Variants in PDE3A observed in about 807,000 individuals in gnomAD.
PDE3A encodes cGMP-inhibited 3',5'-cyclic phosphodiesterase 3A.
A neutral mutation model predicts 98.3 loss-of-function variants in PDE3A; 43 were observed. The observed-to-expected ratio is 0.44, with a 90% confidence interval of 0.34 to 0.56. The LOEUF is 0.56. Ranked by LOEUF, PDE3A falls within the 20% of genes least tolerant of loss-of-function variation. The pLI is 0.01. For missense variants in PDE3A, 1,427 were observed against 1,440.7 expected, an observed-to-expected ratio of 0.99 and a Z score of 0.15; for synonymous variants, 663 against 567.9, an observed-to-expected ratio of 1.17 and a Z score of -2.38.
intron 1 of PDE3A, among the ~76,000 whole-genome samples, chr12:20,490,066 G>A (rs1156808493): frequency 1.3e-5 from 2 of 152,068 alleles, no homozygotes; most frequent in Non-Finnish European, 2.9e-5. Flanking sequence ...CATCTTTTAG[G>A]AAATACCATA....
intron 2 of PDE3A, among the ~76,000 whole-genome samples, chr12:20,576,693 G>A (rs1307498269): frequency 6.6e-6 from 1 of 151,942 alleles, no homozygotes; most frequent in East Asian, 1.9e-4. Context: ...CTCAATTTAC[G>A]GATATTCACG....
At chr12:20,446,160 T>A (rs1944950252) in intron 1 of PDE3A, among the ~76,000 whole-genome samples, 1 of 152,152 alleles carries the variant, frequency 6.6e-6, no homozygotes, top group East Asian at 1.9e-4. Flanking sequence ...TAGGAATTTG[T>A]GTTTTGTGAG....
At chr12:20,534,699 T>A (rs1393704484) in intron 1 of PDE3A, among the ~76,000 whole-genome samples, 1 of 152,214 alleles carries the variant, frequency 6.6e-6, no homozygotes, top group Admixed American at 6.5e-5. Context: ...GATTACCTAT[T>A]TAAAGGAATC....
chr12:20,486,743 C>T (rs2121027810), intron 1 of PDE3A, among the ~76,000 whole-genome samples: 1 of 152,320 alleles, frequency 6.6e-6, no homozygotes, highest in South Asian at 2.1e-4. Context: ...AAGCAATTCT[C>T]ATGCGTCAGC....
intron 1 of PDE3A, among the ~76,000 whole-genome samples, chr12:20,547,203 C>G (rs1278530964): frequency 1.4e-5 from 2 of 142,976 alleles, no homozygotes; most frequent in Non-Finnish European, 2.9e-5. Flanking sequence ...CTTATATAAA[C>G]TTACCTCTGC....
chr12:20,659,274 C>T (rs899285942), intron 15 of PDE3A, among the ~76,000 whole-genome samples: 5 of 151,984 alleles, frequency 3.3e-5, no homozygotes, highest in African/African-American at 1.2e-4. Context: ...AATTTAATGT[C>T]CTTTTTATTC....
At chr12:20,370,284 GA>G (rs1195629764) in intron 1 of PDE3A, 40 bp downstream of exon 1, 9 of 1,481,428 alleles carry the variant, frequency 6.1e-6, no homozygotes, top group Non-Finnish European at 8.0e-6. Context: ...TTGGAAACTT[GA>G]AACACTTGGC....
At chr12:20,609,962 G>A (rs2121439959) in intron 2 of PDE3A, among the ~76,000 whole-genome samples, 1 of 151,948 alleles carries the variant, frequency 6.6e-6, no homozygotes, top group East Asian at 1.9e-4. Flanking sequence ...GAACATGGGG[G>A]AAAGCTCTCG....
intron 15 of PDE3A, among the ~76,000 whole-genome samples, chr12:20,674,188 A>G (rs767534218): frequency 2.0e-5 from 3 of 152,078 alleles, no homozygotes; most frequent in Non-Finnish European, 4.4e-5. Flanking sequence ...ACTTTACTCA[A>G]TTTATTTATC....
intron 3 of PDE3A, 49 bp from the exon 4 acceptor site, chr12:20,616,181 T>G (rs751793549): frequency 1.0e-5 from 16 of 1,537,628 alleles, no homozygotes; most frequent in Admixed American, 3.5e-5. Context: ...TACATAAAAT[T>G]TAAGAGATAT....
chr12:20,452,365 G>A (rs1945080363), intron 1 of PDE3A, among the ~76,000 whole-genome samples: 1 of 151,994 alleles, frequency 6.6e-6, no homozygotes, highest in Non-Finnish European at 1.5e-5. Flanking sequence ...CCCTTTTCTG[G>A]TCATCAGCAT....
chr12:20,369,930 G>C lies in PDE3A; in HGVS notation c.646G>C (p.Ala216Pro). The C allele has an allele frequency of 6.2e-7, 1 of 1,613,446 alleles. No homozygotes were observed. Among genetic ancestry groups the C allele is most frequent in the Non-Finnish European group, 8.5e-7 (1 of 1,179,984 alleles). Reference protein sequence around the residue: ...LRLRLGVLMIALTSAVRTVSL... With the variant: ...LRLRLGVLMIPLTSAVRTVSL... Reference sequence around the variant, plus strand: ...GCTGAGGCTGGGCGTCCTCATGATCGCCTTGACTAGCGCGGTCAGGACCGT... The same window carrying C: ...GCTGAGGCTGGGCGTCCTCATGATCCCCTTGACTAGCGCGGTCAGGACCGT... The change falls in exon 1 of 16, where the codon GCC (alanine) becomes CCC (proline). Residue 216 changes from alanine (A) to proline (P), a missense_variant. Physicochemically the swap from Ala to Pro is conservative, Grantham distance 27. Around this residue, in one of 3 missense-constraint regions of PDE3A, gnomAD observed 1,012 missense variants for 886.5 expected, o/e 1.14. Transcript: ENST00000359062.
intron 1 of PDE3A, among the ~76,000 whole-genome samples, chr12:20,401,674 T>C (rs948450806): frequency 6.6e-6 from 1 of 152,176 alleles, no homozygotes; most frequent in East Asian, 1.9e-4. Flanking sequence ...ATCATCCCCG[T>C]TGGAAGCTCT....
At chr12:20,666,793 C>G (rs1945325888) in intron 15 of PDE3A, among the ~76,000 whole-genome samples, 1 of 152,136 alleles carries the variant, frequency 6.6e-6, no homozygotes, top group East Asian at 1.9e-4. Flanking sequence ...GATAAATACC[C>G]AGTAGTGGGA....
At chr12:20,593,733 A>T (rs1320856743) in intron 2 of PDE3A, among the ~76,000 whole-genome samples, 1 of 152,062 alleles carries the variant, frequency 6.6e-6, no homozygotes, top group Non-Finnish European at 1.5e-5. Context: ...AAGATAAAAT[A>T]TTTTCTTTTG....
chr12:20,452,049 C>T (rs530841269), intron 1 of PDE3A, among the ~76,000 whole-genome samples: 4 of 152,288 alleles, frequency 2.6e-5, no homozygotes, highest in East Asian at 3.9e-4. Context: ...TAGGTCTCAG[C>T]TTAGATGTTA....
intron 1 of PDE3A, among the ~76,000 whole-genome samples, chr12:20,465,742 A>G (rs1348987669): frequency 6.6e-6 from 1 of 152,208 alleles, no homozygotes; most frequent in Non-Finnish European, 1.5e-5. Flanking sequence ...AAATGGTAGC[A>G]TGTCCTAAAT....
chr12:20,495,092 G>A (rs960269130), intron 1 of PDE3A, among the ~76,000 whole-genome samples: 1 of 152,108 alleles, frequency 6.6e-6, no homozygotes, highest in Non-Finnish European at 1.5e-5. Flanking sequence ...CAGTGGACAA[G>A]AGAATGTTCC....
chr12:20,648,019 TA>T (rs947667803), intron 12 of PDE3A, among the ~76,000 whole-genome samples: 5 of 151,058 alleles, frequency 3.3e-5, no homozygotes, highest in South Asian at 2.1e-4. Flanking sequence ...CTTCCCTTTT[TA>T]AAAAAAAATT....
Sources: allele counts gnomAD v4.1 joint callset (sites outside exome capture counted in the v4.1 genomes callset), GRCh38; gene constraint gnomAD v4.1.1; regional missense constraint gnomAD v4.1.1; transcripts MANE v1.5; gene names NCBI Gene and HGNC (gene_info 2026-07-23, HGNC 2026-07-21).